CTNNA3: variants seen among roughly 807,000 people sequenced by gnomAD.
The protein encoded by CTNNA3 is catenin alpha-3.
Under a neutral mutation model 95.7 loss-of-function variants are expected in CTNNA3, and 76 were observed. The observed-to-expected ratio is 0.79, with a 90% confidence interval of 0.66 to 0.96. The LOEUF (loss-of-function observed/expected upper bound fraction) is 0.96, where lower values mean the gene tolerates loss of function less well. Among genes scored for constraint, CTNNA3 ranks in the 40% least tolerant of loss-of-function variants. The pLI is 0.00. For missense variants in CTNNA3, 1,191 were observed against 1,089.8 expected (o/e 1.09, Z -1.31); for synonymous variants, 431 against 374.4 (o/e 1.15, Z -1.74).
At chr10:66,050,863 T>C (rs1176169688) in intron 15 of CTNNA3, among the ~76,000 whole-genome samples, 1 of 152,122 alleles carries the variant, frequency 6.6e-6, no homozygotes, top group East Asian at 1.9e-4. Flanking sequence ...TCTTACTTTT[T>C]TTTTTTAAGA....
rs185275276 is a variant in CTNNA3, at chr10:67,252,615, C to G, written c.580-32745G>C. On this transcript the variant is annotated intron_variant, in intron 5 of 17. Transcript: ENST00000433211. ...CTTCTTGTAATGATTTGAGTTTATA[C>G]GATGCCCACAGGATGACATGAAGTG... 7.9e-5 allele frequency among the ~76,000 whole-genome samples: 12 copies of G among 152,210 alleles called. No homozygotes were observed. The East Asian group carries it at 2.3e-3, about 29-fold the overall frequency.
intron 10 of CTNNA3, among the ~76,000 whole-genome samples, chr10:66,534,493 T>TG (rs1841583514): frequency 1.6e-5 from 1 of 62,728 alleles, no homozygotes; most frequent in African/African-American, 4.4e-5. Context: ...TATATATATA[T>TG]ATATATATGT....
chr10:65,929,554 A>G (rs2077218411), intron 17 of CTNNA3, among the ~76,000 whole-genome samples: 1 of 151,648 alleles, frequency 6.6e-6, no homozygotes, highest in African/African-American at 2.4e-5. Flanking sequence ...AAATGAAGCT[A>G]TAGCTTTTCT....
intron 10 of CTNNA3, among the ~76,000 whole-genome samples, chr10:66,561,453 C>T (rs1842550588): frequency 6.6e-6 from 1 of 152,094 alleles, no homozygotes; most frequent in African/African-American, 2.4e-5. Context: ...GACTATTTCT[C>T]ACATTTTTAT....
At chr10:66,115,110 T>C (rs2082273905) in intron 13 of CTNNA3, among the ~76,000 whole-genome samples, 1 of 152,130 alleles carries the variant, frequency 6.6e-6, no homozygotes, top group Admixed American at 6.6e-5. Flanking sequence ...GTGTCAGCAA[T>C]ACAAAAAGGA....
intron 5 of CTNNA3, among the ~76,000 whole-genome samples, chr10:67,484,143 G>A (rs1848355287): frequency 6.6e-6 from 1 of 152,150 alleles, no homozygotes; most frequent in Admixed American, 6.6e-5. Context: ...ATAGACCAAT[G>A]TAACAGAATA....
At chr10:66,717,749 T>A (rs1486534636) in intron 9 of CTNNA3, among the ~76,000 whole-genome samples, 1 of 152,266 alleles carries the variant, frequency 6.6e-6, no homozygotes, top group African/African-American at 2.4e-5. Flanking sequence ...GCGACTTTGA[T>A]AGCTCTGGCT....
chr10:67,512,568 A>G (rs951053830), intron 5 of CTNNA3, among the ~76,000 whole-genome samples: 2 of 152,214 alleles, frequency 1.3e-5, no homozygotes, highest in Admixed American at 1.3e-4. Flanking sequence ...ATTGCAGTAG[A>G]AAACTACAAA....
intron 16 of CTNNA3, among the ~76,000 whole-genome samples, chr10:65,980,824 G>A (rs1330902821): frequency 6.6e-6 from 1 of 151,988 alleles, no homozygotes; most frequent in Non-Finnish European, 1.5e-5. Context: ...AGCAAAATCA[G>A]CATAGAAATG....
At chr10:67,151,743 T>C (rs1267619864) in intron 7 of CTNNA3, among the ~76,000 whole-genome samples, 1 of 152,226 alleles carries the variant, frequency 6.6e-6, no homozygotes, top group Non-Finnish European at 1.5e-5. Flanking sequence ...GCAGCATCCA[T>C]ATGTACAAGT....
intron 13 of CTNNA3, among the ~76,000 whole-genome samples, chr10:66,139,448 C>T (rs78663484): frequency 1.7e-3 from 255 of 152,170 alleles, no homozygotes; most frequent in Middle Eastern, 6.8e-3. Context: ...AAATGCAAGG[C>T]CCTTCTTTGA....
chr10:67,635,095 C>T (rs1054945861), intron 2 of CTNNA3, among the ~76,000 whole-genome samples: 1 of 151,996 alleles, frequency 6.6e-6, no homozygotes, highest in African/African-American at 2.4e-5. Flanking sequence ...CTCCTGGACA[C>T]ATACACCCTC....
intron 17 of CTNNA3, among the ~76,000 whole-genome samples, chr10:65,951,922 T>C (rs965637606): frequency 4.7e-5 from 7 of 149,896 alleles, no homozygotes; most frequent in East Asian, 2.0e-4. Context: ...CCCAGCTACT[T>C]AGGAGGCTGA....
At chr10:65,948,163 C>T (rs1262033170) in intron 17 of CTNNA3, among the ~76,000 whole-genome samples, 1 of 151,646 alleles carries the variant, frequency 6.6e-6, no homozygotes, top group Non-Finnish European at 1.5e-5. Flanking sequence ...CGCCTGTAGT[C>T]CCAGCTACTC....
chr10:67,176,980 C>T (rs761105333), intron 7 of CTNNA3: 13 of 500,472 alleles, frequency 2.6e-5, no homozygotes, highest in South Asian at 1.9e-4. Context: ...CTTTTGATTA[C>T]AGAGCTGAAA....
intron 7 of CTNNA3, among the ~76,000 whole-genome samples, chr10:66,936,373 A>G (rs1847696002): frequency 1.3e-5 from 2 of 152,000 alleles, no homozygotes; most frequent in Admixed American, 1.3e-4. Flanking sequence ...TTGAAAGCTA[A>G]TTTACCCTCC....
chr10:66,404,748 A>G (rs1449180245), intron 11 of CTNNA3, among the ~76,000 whole-genome samples: 1 of 150,486 alleles, frequency 6.6e-6, no homozygotes, highest in African/African-American at 2.5e-5. Context: ...AAATTTGTAA[A>G]CTTTCTTAAA....
At chr10:66,425,416 C>T (rs2093231043) in intron 11 of CTNNA3, among the ~76,000 whole-genome samples, 1 of 125,666 alleles carries the variant, frequency 8.0e-6, no homozygotes, top group Non-Finnish European at 1.7e-5. Flanking sequence ...GATCTTATTT[C>T]TTGCTTTTTT....
At chr10:66,330,994 A>C (rs1487586061) in intron 12 of CTNNA3, among the ~76,000 whole-genome samples, 1 of 151,992 alleles carries the variant, frequency 6.6e-6, no homozygotes. Context: ...TAGATGGCAA[A>C]AATTTTCTCC....
Sources: allele counts gnomAD v4.1 joint callset (sites outside exome capture counted in the v4.1 genomes callset), GRCh38; gene constraint gnomAD v4.1.1; transcripts MANE v1.5; gene names NCBI Gene and HGNC (gene_info 2026-07-23, HGNC 2026-07-21).